EIF5B: variants seen among roughly 807,000 people sequenced by gnomAD.
EIF5B encodes eIF-5B.
EIF5B carries 47 observed loss-of-function variants against 147.5 expected under a neutral mutation model. The ratio of observed to expected loss-of-function variants is 0.32; its 90% CI spans 0.25 to 0.41. EIF5B has a LOEUF of 0.41. EIF5B is among the 10% of genes least tolerant of loss of function. EIF5B has a pLI of 1.00. For missense variants in EIF5B, 1,064 were observed against 1,413.2 expected (o/e 0.75, Z 3.96); for synonymous variants, 455 against 456.2 (o/e 1.00, Z 0.03).
At chr2:99,379,489 C>T in intron 12 of EIF5B, 61 bp downstream of exon 12, 1 of 1,297,478 alleles carries the variant, frequency 7.7e-7, no homozygotes, top group Non-Finnish European at 1.1e-6. Context: ...TGAACTATTT[C>T]AAACATAGAA....
At chr2:99,382,335 A>G in intron 13 of EIF5B, 109 bp downstream of exon 13, 1 of 807,272 alleles carries the variant, frequency 1.2e-6, no homozygotes. Flanking sequence ...CTCTATAACT[A>G]CCACTCCACC....
At chr2:99,353,005 CTTTTTTTTTTTTTT>C (rs529053292) in intron 1 of EIF5B, among the ~76,000 whole-genome samples, 42 of 62,854 alleles carry the variant, frequency 6.7e-4, no homozygotes, top group Non-Finnish European at 9.0e-4. Flanking sequence ...TCTTCTTCTT[CTTTTTTTTTTTTTT>C]TTTTTTTTTT....
chr2:99,382,097 TC>T (rs1674702054), intron 12 of EIF5B, 61 bp from the exon 13 acceptor site: 7 of 1,427,498 alleles, frequency 4.9e-6, no homozygotes, highest in East Asian at 2.3e-5. Flanking sequence ...AAAGGATTGT[TC>T]TGTAAAGAAG....
At chr2:99,340,884 C>T (rs576635363) in intron 1 of EIF5B, among the ~76,000 whole-genome samples, 70 of 152,272 alleles carry the variant, frequency 4.6e-4, no homozygotes, top group Non-Finnish European at 1.6e-4. Context: ...ATTCTCCTGC[C>T]TCAGCCTCTC....
chr2:99,377,129 A>G (rs998479417), intron 10 of EIF5B, among the ~76,000 whole-genome samples: 6 of 152,078 alleles, frequency 3.9e-5, no homozygotes, highest in Non-Finnish European at 8.8e-5. Flanking sequence ...TTCAAGAGAA[A>G]GTTTTCTTTA....
chr2:99,363,649 CAATG>C lies in EIF5B; in HGVS notation c.927_930del (p.Asn309LysfsTer57). On this transcript the variant is annotated frameshift_variant, in exon 5 of 24. Transcript: ENST00000289371. LOFTEE classifies it high-confidence loss of function. ...TGCCTTTATTCTTTTTGGTAGATGA[CAATG>C]AAGGAGACAAAAAGAAGAAAGATAA... is the stretch of plus-strand genomic sequence containing the variant. The C allele has an allele frequency of 6.4e-7, 1 of 1,571,420 alleles. No homozygotes were observed. The highest frequency in any genetic ancestry group is 2.3e-5 in the East Asian group (1 of 44,422).
At chr2:99,356,589 T>A (rs564290695) in intron 1 of EIF5B, among the ~76,000 whole-genome samples, 1 of 152,230 alleles carries the variant, frequency 6.6e-6, no homozygotes, top group Non-Finnish European at 1.5e-5. Context: ...AGTTGGCTCA[T>A]GTGTCCCTTT....
intron 17 of EIF5B, among the ~76,000 whole-genome samples, chr2:99,391,483 A>G (rs1435064195): frequency 1.3e-5 from 2 of 152,190 alleles, no homozygotes; most frequent in Admixed American, 6.5e-5. Flanking sequence ...TTGGGAAGCA[A>G]CCAGATGGAG....
intron 9 of EIF5B, among the ~76,000 whole-genome samples, chr2:99,376,065 G>T (rs1479930138): frequency 6.6e-6 from 1 of 152,220 alleles, no homozygotes; most frequent in African/African-American, 2.4e-5. Context: ...TCTGCAGCCT[G>T]TGGGCCACAT....
In EIF5B at chr2:99,382,099, T is replaced by C. The variant is rs1674702606; in HGVS notation, c.2062-60T>C. On this transcript the variant is annotated intron_variant, in intron 12 of 23. Coordinates refer to ENST00000289371, the MANE Select transcript of EIF5B (RefSeq NM_015904.4). ...GAGTTTTATGGCAAAAGGATTGTTC[T>C]GTAAAGAAGCTTTCATGTCTGACTT... 1.2e-5 allele frequency: 18 copies of C among 1,448,566 alleles called. 1 individual carries two copies. Among genetic ancestry groups the C allele is most frequent in the Middle Eastern group, 2.2e-4 (1 of 4,528 alleles). 89.7% of individuals were successfully genotyped at this position (1,448,566 alleles called of 1,614,324 possible).
chr2:99,356,688 C>T (rs1488935600), intron 1 of EIF5B, among the ~76,000 whole-genome samples: 1 of 151,962 alleles, frequency 6.6e-6, no homozygotes, highest in Non-Finnish European at 1.5e-5. Flanking sequence ...AAATCATTTC[C>T]TTACTTCCTA....
rs564444428 is a variant in EIF5B, at chr2:99,337,402, C to T, written c.-153C>T. 351 of 926,630 alleles carry T rather than the reference C, an allele frequency of 3.8e-4. 6 individuals carry two copies. The highest frequency in any genetic ancestry group is 3.4e-3 in the South Asian group (240 of 70,064). The allele number at this position is 926,630 out of a possible 1,614,324, so 57.4% of individuals were successfully genotyped here. On this transcript the variant is annotated 5_prime_UTR_variant, in exon 1 of 24. Coordinates refer to ENST00000289371, the MANE Select transcript of EIF5B (RefSeq NM_015904.4). ...CACTGAGAACTCACACCATATGTGT[C>T]CTGTTCCAGTGCGCGGGTCTGTGGA...
Position 99,390,557 on chromosome 2 carries a change from C to A in EIF5B, c.2600C>A (p.Pro867Gln). The A allele has an allele frequency of 6.2e-7, 1 of 1,606,752 alleles. No homozygotes were observed. The highest frequency in any genetic ancestry group is 8.5e-7 in the Non-Finnish European group (1 of 1,174,222). ...AATGCCTTTTAGGTTAAAGCTCTCCCGGGGATGGGCACCACTATAGATGTC... is the reference window on the plus strand; with the variant it reads ...AATGCCTTTTAGGTTAAAGCTCTCCAGGGGATGGGCACCACTATAGATGTC... Reference protein sequence around the residue: ...RAQVMEVKALPGMGTTIDVIL... With the variant: ...RAQVMEVKALQGMGTTIDVIL... The change falls in exon 17 of 24, where the codon CCG (proline) becomes CAG (glutamine). Residue 867 changes from proline to glutamine, a missense_variant. Physicochemically the swap from Pro to Gln is moderately conservative, Grantham distance 76 (BLOSUM62 -1). Transcript: ENST00000289371.
At position 99,368,505 on chromosome 2, in the gene EIF5B, C is replaced by T; in HGVS notation, c.1301C>T (p.Pro434Leu). Reference sequence around the variant, plus strand: ...TTTTATCCCTCAGGTGTTGAAGTGCCATCAAAAGACTCTTTGCCAAAGAAG... The same window carrying T: ...TTTTATCCCTCAGGTGTTGAAGTGCTATCAAAAGACTCTTTGCCAAAGAAG... ...KLLQAQGVEV[P>L]SKDSLPKKRP... The change falls in exon 7 of 24, where the codon CCA (proline) becomes CTA (leucine). Residue 434 changes from proline to leucine, a missense_variant. Coordinates refer to ENST00000289371, the MANE Select transcript of EIF5B (RefSeq NM_015904.4). 7.4e-6 allele frequency: 12 copies of T among 1,612,952 alleles called. No individual in the cohort carries two copies. The highest frequency in any genetic ancestry group is 1.0e-5 in the Non-Finnish European group (12 of 1,179,620).
Position 99,374,381 on chromosome 2 carries a change from A to G in EIF5B, c.1553-1966A>G, listed in dbSNP as rs150123307. ...AATTAGCTTATATTTTATATAGTCA[A>G]TACTTACTATTTATAAGTTTACCCA... On this transcript the variant is annotated intron_variant, in intron 9 of 23. Transcript: ENST00000289371. 9.3e-4 allele frequency among the ~76,000 whole-genome samples: 141 copies of G among 151,888 alleles called. 3 individuals carry two copies. The East Asian group carries it at 0.025, about 27-fold the overall frequency.
intron 14 of EIF5B, among the ~76,000 whole-genome samples, chr2:99,386,378 T>C (rs1674805802): frequency 6.6e-6 from 1 of 152,244 alleles, no homozygotes; most frequent in Admixed American, 6.5e-5. Flanking sequence ...CTTCTGGTTC[T>C]ATGTATATAA....
intron 12 of EIF5B, among the ~76,000 whole-genome samples, chr2:99,381,017 T>C (rs1664043426): frequency 6.6e-6 from 1 of 152,204 alleles, no homozygotes; most frequent in African/African-American, 2.4e-5. Flanking sequence ...ATTTCGTCTT[T>C]TTATAAGGCC....
chr2:99,344,123 G>A lies in EIF5B; in HGVS notation c.35+6534G>A, dbSNP rs536309078. 3.5e-3 allele frequency among the ~76,000 whole-genome samples: 531 copies of A among 152,104 alleles called. 1 individual carries two copies. The highest frequency in any genetic ancestry group is 0.012 in the African/African-American group (506 of 41,528). ...TTTAGTAGAGACGGGGTTTCACCATGTTAGCCAGGATGGGTCTCGATCTCC... is the reference window on the plus strand; with the variant it reads ...TTTAGTAGAGACGGGGTTTCACCATATTAGCCAGGATGGGTCTCGATCTCC... On this transcript the variant is annotated intron_variant, in intron 1 of 23. Coordinates refer to ENST00000289371, the MANE Select transcript of EIF5B (RefSeq NM_015904.4).
chr2:99,379,129 A>T lies in EIF5B; in HGVS notation c.1950+3A>T. 1 of 1,590,754 alleles carries T rather than the reference A, an allele frequency of 6.3e-7. No homozygotes were observed. The highest frequency in any genetic ancestry group is 1.4e-5 in the African/African-American group (1 of 73,816). The stretch of plus-strand genomic sequence containing the variant: ...GGAAGACAAAAATTCTAGATAAGGT[A>T]AGAAAGTATTAAATGTATTGATAGA... On this transcript the variant is annotated splice_donor_region_variant and intron_variant, in intron 11 of 23. Coordinates refer to ENST00000289371, the MANE Select transcript of EIF5B (RefSeq NM_015904.4).
Sources: allele counts gnomAD v4.1 joint callset (sites outside exome capture counted in the v4.1 genomes callset), GRCh38; gene constraint gnomAD v4.1.1; transcripts MANE v1.5; gene names NCBI Gene and HGNC (gene_info 2026-07-23, HGNC 2026-07-21).